Variants in DPYD observed in about 807,000 individuals in gnomAD.
DPYD encodes the protein dihydropyrimidine dehydrogenase [NADP(+)].
Under a neutral mutation model 116.2 loss-of-function variants are expected in DPYD, and 109 were observed. The ratio of observed to expected loss-of-function variants is 0.94; its 90% CI spans 0.80 to 1.10. The LOEUF (loss-of-function observed/expected upper bound fraction) is 1.10. DPYD is among the 50% of genes least tolerant of loss of function. DPYD has a pLI of 0.00. For synonymous variants in DPYD, 440 were observed against 432.0 expected, an observed-to-expected ratio of 1.02 and a Z score of -0.23; for missense variants, 1,302 against 1,254.5, an observed-to-expected ratio of 1.04 and a Z score of -0.57.
intron 20 of DPYD, among the ~76,000 whole-genome samples, chr1:97,152,367 A>G (rs1052423044): frequency 2.6e-5 from 4 of 151,978 alleles, no homozygotes; most frequent in Non-Finnish European, 4.4e-5. Flanking sequence ...TCAGTATTAA[A>G]TCTAGGTGTA....
chr1:97,218,692 GAA>G (rs1660579808), intron 19 of DPYD, among the ~76,000 whole-genome samples: 1 of 151,812 alleles, frequency 6.6e-6, no homozygotes. Flanking sequence ...GAAGAAATCA[GAA>G]GTACATCAAC....
chr1:97,453,246 G>C lies in DPYD; in HGVS notation c.1741-3023C>G, dbSNP rs116589827. 4.4e-3 allele frequency among the ~76,000 whole-genome samples: 667 copies of C among 152,106 alleles called. 7 individuals are homozygous for C. The highest frequency in any genetic ancestry group is 0.016 in the African/African-American group (650 of 41,492). On this transcript the variant is annotated intron_variant, in intron 13 of 22. Coordinates refer to ENST00000370192, the MANE Select transcript of DPYD (RefSeq NM_000110.4). ...ACTGCTGGGTATCGCTGATCTCTAG[G>C]ATTTAAATAGAATGCCCCCATTCAG... is the stretch of plus-strand genomic sequence containing the variant.
intron 2 of DPYD, among the ~76,000 whole-genome samples, chr1:97,847,278 C>A (rs1670353026): frequency 6.6e-6 from 1 of 152,110 alleles, no homozygotes; most frequent in African/African-American, 2.4e-5. Context: ...CAAACAAAAA[C>A]TCTCTCCATT....
intron 22 of DPYD, among the ~76,000 whole-genome samples, chr1:97,081,309 T>C (rs2101554680): frequency 6.6e-6 from 1 of 152,162 alleles, no homozygotes; most frequent in Non-Finnish European, 1.5e-5. Context: ...TAAAAAGATC[T>C]TTTTTTACTT....
At chr1:97,199,552 T>A (rs776854448) in intron 19 of DPYD, among the ~76,000 whole-genome samples, 3 of 152,100 alleles carry the variant, frequency 2.0e-5, no homozygotes, top group African/African-American at 4.8e-5. Flanking sequence ...AGGATATAAT[T>A]TTTTTAATGT....
At chr1:97,593,086 A>G in intron 10 of DPYD, 132 bp downstream of exon 10, 1 of 1,054,592 alleles carries the variant, frequency 9.5e-7, no homozygotes, top group Non-Finnish European at 1.4e-6. Context: ...AAAAGAAACA[A>G]TTATGTGTAG....
At chr1:97,496,400 C>T (rs868029640) in intron 13 of DPYD, among the ~76,000 whole-genome samples, 2 of 152,038 alleles carry the variant, frequency 1.3e-5, no homozygotes, top group Non-Finnish European at 2.9e-5. Context: ...CTATTTTCTA[C>T]ACTATTATCA....
At chr1:97,300,333 T>G (rs1666787110) in intron 18 of DPYD, among the ~76,000 whole-genome samples, 1 of 152,168 alleles carries the variant, frequency 6.6e-6, no homozygotes, top group Admixed American at 6.6e-5. Flanking sequence ...TGTTAAAGCC[T>G]AAGCTCTTAT....
At chr1:97,295,422 T>G (rs1415446399) in intron 18 of DPYD, 1 of 146,704 alleles carries the variant, frequency 6.8e-6, no homozygotes, top group Non-Finnish European at 1.5e-5. Context: ...ATACTGAGAT[T>G]TATAAATCTA....
At position 97,479,047 on chromosome 1, in the gene DPYD, C is replaced by T. The variant is rs72973867; in HGVS notation, c.1741-28824G>A. On this transcript the variant is annotated intron_variant, in intron 13 of 22. Transcript: ENST00000370192. ...GCCTTTGACTTAAGAGAGTGTTGTG[C>T]TGATTTGGTCTATCCAGACAACTAA... Among the ~76,000 whole-genome samples, 697 of 152,302 alleles carry T rather than the reference C, an allele frequency of 4.6e-3. 8 individuals are homozygous for T. Among genetic ancestry groups the T allele is most frequent in the African/African-American group, 0.016 (672 of 41,572 alleles).
At chr1:97,571,052 C>A (rs1652860797) in intron 11 of DPYD, among the ~76,000 whole-genome samples, 1 of 151,880 alleles carries the variant, frequency 6.6e-6, no homozygotes, top group Non-Finnish European at 1.5e-5. Flanking sequence ...CAGAGAAGTT[C>A]ATTTATATGT....
rs1450955644 is a variant in DPYD at position 97,570,038 on chromosome 1, CT to C, written c.1339+3721del. On this transcript the variant is annotated intron_variant, in intron 11 of 22. Coordinates refer to ENST00000370192, the MANE Select transcript of DPYD (RefSeq NM_000110.4). ...ATGATATACTTATCTTTTCTATAAG[CT>C]GTTGAGGCACTTATCATTTTATGAT... 4.6e-5 allele frequency among the ~76,000 whole-genome samples: 7 copies of C among 152,006 alleles called. 1 individual carries two copies. Among genetic ancestry groups the C allele is most frequent in the African/African-American group, 1.7e-4 (7 of 41,502 alleles).
intron 16 of DPYD, among the ~76,000 whole-genome samples, chr1:97,353,938 T>G (rs1009093637): frequency 1.3e-5 from 2 of 152,228 alleles, no homozygotes; most frequent in Non-Finnish European, 2.9e-5. Flanking sequence ...CACAGGCTCT[T>G]GAGCCAGATG....
At chr1:97,899,377 G>C (rs1401615904) in intron 1 of DPYD, among the ~76,000 whole-genome samples, 4 of 151,838 alleles carry the variant, frequency 2.6e-5, no homozygotes, top group African/African-American at 9.7e-5. Context: ...TAACTCCATT[G>C]GGAGAGGACA....
At position 97,139,865 on chromosome 1, in the gene DPYD, C is replaced by T. The variant is rs912640496; in HGVS notation, c.2623-41233G>A. Among the ~76,000 whole-genome samples the T allele has an allele frequency of 1.6e-4, 25 of 152,120 alleles. 1 individual carries two copies. The highest frequency in any genetic ancestry group is 3.4e-4 in the Non-Finnish European group (23 of 68,024). ...GCTCTAAGGAGAGGCAGAGAAGACA[C>T]TGGAGAAAAGATTATGTATTGATAG... is the stretch of plus-strand genomic sequence containing the variant. On this transcript the variant is annotated intron_variant, in intron 20 of 22. Coordinates refer to ENST00000370192, the MANE Select transcript of DPYD (RefSeq NM_000110.4).
chr1:97,139,637 T>C (rs1312114406), intron 20 of DPYD, among the ~76,000 whole-genome samples: 1 of 152,210 alleles, frequency 6.6e-6, no homozygotes, highest in Non-Finnish European at 1.5e-5. Context: ...AAAGATTTTT[T>C]ATGTTTACGA....
intron 8 of DPYD, among the ~76,000 whole-genome samples, chr1:97,611,248 T>C (rs1655926089): frequency 6.6e-6 from 1 of 152,004 alleles, no homozygotes; most frequent in African/African-American, 2.4e-5. Flanking sequence ...TTTAAAACCA[T>C]CAGATTTGGT....
At chr1:97,784,530 T>C (rs1181165414) in intron 3 of DPYD, among the ~76,000 whole-genome samples, 1 of 152,198 alleles carries the variant, frequency 6.6e-6, no homozygotes, top group Non-Finnish European at 1.5e-5. Flanking sequence ...TAGTACAAAA[T>C]GTTCTGGGTG....
At chr1:97,834,806 GA>G (rs1669689891) in intron 2 of DPYD, among the ~76,000 whole-genome samples, 1 of 151,318 alleles carries the variant, frequency 6.6e-6, no homozygotes, top group Non-Finnish European at 1.5e-5. Context: ...ACTCTTTCTG[GA>G]AAATGTTGTA....
Sources: gnomAD v4.1 joint callset for allele counts (sites outside exome capture counted in the v4.1 genomes callset) on GRCh38, gnomAD v4.1.1 for gene constraint, MANE v1.5 for transcripts, NCBI Gene and HGNC (gene_info 2026-07-23, HGNC 2026-07-21) for gene names.